Variants in HNRNPH1 observed in about 807,000 individuals in gnomAD.
The protein encoded by HNRNPH1 is heterogeneous nuclear ribonucleoprotein H1.
In HNRNPH1, 4 loss-of-function variants were observed where a neutral mutation model predicts 58.6. The observed-to-expected ratio is 0.07, with a 90% confidence interval of 0.03 to 0.16. The LOEUF (loss-of-function observed/expected upper bound fraction) is 0.16. Among genes scored for constraint, HNRNPH1 ranks in the 10% least tolerant of loss-of-function variants. The pLI is 1.00. For missense variants in HNRNPH1, 271 were observed against 564.2 expected (o/e 0.48, Z 5.26); for synonymous variants, 192 against 189.2 (o/e 1.01, Z -0.12).
At chr5:179,617,475 T>C in intron 8 of HNRNPH1, 39 bp downstream of exon 9, 1 of 1,595,342 alleles carries the variant, frequency 6.3e-7, no homozygotes, top group Non-Finnish European at 8.5e-7. Flanking sequence ...AGTCACACAA[T>C]CACCTGTTAA....
intron 2 of HNRNPH1, among the ~76,000 whole-genome samples, chr5:179,632,401 C>T (rs1180976443): frequency 1.3e-5 from 2 of 152,252 alleles, no homozygotes; most frequent in African/African-American, 4.8e-5. Context: ...GCAGCACGGT[C>T]CGCCCTTGCG....
At chr5:179,624,960 G>A (rs1274253980), upstream of HNRNPH1, among the ~76,000 whole-genome samples, 2 of 152,190 alleles carry the variant, frequency 1.3e-5, no homozygotes, top group Non-Finnish European at 2.9e-5. Context: ...GCTAAGCAGG[G>A]CCTGATCTTC....
At chr5:179,621,893 G>A (rs1772549127) in intron 1 of HNRNPH1, 1 of 455,650 alleles carries the variant, frequency 2.2e-6, no homozygotes, top group Admixed American at 2.4e-5. Flanking sequence ...TTGCACAGCT[G>A]AAGCCAAACC....
rs758687811 is a variant in HNRNPH1, at chr5:179,618,026, A to G, written c.750T>C (p.Asn250=). The G allele has an allele frequency of 9.3e-5, 150 of 1,614,062 alleles. 1 individual carries two copies. The highest frequency in any genetic ancestry group is 1.2e-4 in the Non-Finnish European group (136 of 1,179,986). ...TATCTGACCCAAATCCATAGCCATC[A>G]TTATAGCCATTGTAATCATCATAGC... The change falls in exon 6 of 13, where the codon AAT becomes AAC. Residue 250 remains asparagine, a synonymous_variant. Transcript: ENST00000356731.
intron 2 of HNRNPH1, among the ~76,000 whole-genome samples, chr5:179,630,714 A>C (rs568735496): frequency 3.3e-5 from 5 of 152,260 alleles, no homozygotes; most frequent in African/African-American, 9.6e-5. Flanking sequence ...GATTGAGATC[A>C]TCCTGGTCAA....
At chr5:179,621,209 T>C in intron 2 of HNRNPH1, 33 bp downstream of exon 3, 1 of 1,598,660 alleles carries the variant, frequency 6.3e-7, no homozygotes, top group Non-Finnish European at 8.6e-7. Flanking sequence ...TTTAATGCTT[T>C]ATTTACTGTA....
upstream of HNRNPH1, among the ~76,000 whole-genome samples, chr5:179,626,821 G>A (rs1378771859): frequency 1.3e-5 from 2 of 149,542 alleles, no homozygotes; most frequent in African/African-American, 4.9e-5. Context: ...TGTCGCCCAG[G>A]CTGGAGTACA....
exon 1 of HNRNPH1, chr5:179,623,233 G>A: frequency 2.7e-6 from 2 of 753,512 alleles, no homozygotes; most frequent in South Asian, 1.5e-5. Context: ...GGCGCGCCCG[G>A]GCCCGCACCG....
exon 1 of HNRNPH1, chr5:179,624,612 G>C (rs1186152449): frequency 2.5e-6 from 1 of 398,632 alleles, no homozygotes; most frequent in Non-Finnish European, 4.4e-6. Flanking sequence ...AGGCCCCCGG[G>C]TCACCCCATG....
exon 10 of HNRNPH1, chr5:179,616,926 T>C (rs778918921): frequency 1.2e-6 from 2 of 1,614,078 alleles, no homozygotes; most frequent in African/African-American, 1.3e-5. Flanking sequence ...GCTCCTGCTG[T>C]AGAATTCAAG....
rs1772137475 is a variant in HNRNPH1 at position 179,621,182 on chromosome 5, G to C, written c.253+60C>G. 5 of 1,538,996 alleles carry C rather than the reference G, an allele frequency of 3.2e-6. No homozygotes were observed. The South Asian group carries it at 5.6e-5, about 17-fold the overall frequency. On this transcript the variant is annotated intron_variant, in intron 2 of 12. Transcript: ENST00000356731. ...CAGTCAAATACCTAAAATTCAGAAGGGGTGAGACCTCTATTGTTTAATGCT... is the reference window on the plus strand; with the variant it reads ...CAGTCAAATACCTAAAATTCAGAAGCGGTGAGACCTCTATTGTTTAATGCT...
At chr5:179,627,257 T>A (rs1774480295), upstream of HNRNPH1, among the ~76,000 whole-genome samples, 1 of 152,128 alleles carries the variant, frequency 6.6e-6, no homozygotes, top group South Asian at 2.1e-4. Flanking sequence ...AGTGACACAA[T>A]CATAACTCAC....
Position 179,615,977 on chromosome 5 carries a change from C to T in HNRNPH1, c.1300+149G>A, listed in dbSNP as rs189407088. On this transcript the variant is annotated intron_variant, in intron 11 of 12. Transcript: ENST00000356731. ...CATACATTTCATAACCCAATTTCAC[C>T]GAAAGGAGCCTGCATCTTCCCAACT... The T allele has an allele frequency of 3.2e-4, 210 of 647,176 alleles. 1 individual carries two copies. The highest frequency in any genetic ancestry group is 8.4e-5 in the Admixed American group (3 of 35,540). The allele number at this position is 647,176 out of a possible 1,614,324, so 40.1% of individuals were successfully genotyped here.
exon 5 of HNRNPH1, chr5:179,618,181 C>T: frequency 6.2e-7 from 1 of 1,614,116 alleles, no homozygotes. Flanking sequence ...CTCTCAAAGC[C>T]AGCTCCTCTG....
At chr5:179,632,307 CA>C (rs368360110) in intron 2 of HNRNPH1, among the ~76,000 whole-genome samples, 49 of 132,886 alleles carry the variant, frequency 3.7e-4, no homozygotes, top group South Asian at 1.6e-3. Context: ...GACTCCGTCT[CA>C]AAAAAAAAAA....
chr5:179,634,252 G>A (rs1331958817), intron 1 of HNRNPH1: 3 of 124,832 alleles, frequency 2.4e-5, no homozygotes, highest in Non-Finnish European at 5.0e-5. Context: ...AAGGAGGAGT[G>A]TTGGTGTTGC....
intron 12 of HNRNPH1, 90 bp from the exon 14 acceptor site, chr5:179,615,049 T>C (rs1470899979): frequency 1.2e-6 from 1 of 824,674 alleles, no homozygotes; most frequent in Non-Finnish European, 2.0e-6. Context: ...TTAAAAAGTA[T>C]ACGAGTACAA....
At position 179,631,507 on chromosome 5, in the gene HNRNPH1, A is replaced by T. The variant is rs555152155; in HGVS notation, c.-32+2558T>A. Among the ~76,000 whole-genome samples the T allele has an allele frequency of 1.8e-4, 28 of 152,142 alleles. No homozygotes were observed. The East Asian group carries it at 5.0e-3, about 27-fold the overall frequency. The stretch of plus-strand genomic sequence containing the variant: ...ACACCTGTAATCCTAGCACTTTGGG[A>T]GGCCGAGGCAGGCAAATTACCTGAG... On this transcript the variant is annotated intron_variant, in intron 2 of 4. Transcript: ENST00000521116.
At chr5:179,627,689 G>C (rs554945571), upstream of HNRNPH1, among the ~76,000 whole-genome samples, 1 of 152,064 alleles carries the variant, frequency 6.6e-6, no homozygotes, top group African/African-American at 2.4e-5. Context: ...TTGGGAGGCT[G>C]AGGTGGGTGG....
Sources: gnomAD v4.1 joint callset for allele counts (sites outside exome capture counted in the v4.1 genomes callset) on GRCh38, gnomAD v4.1.1 for gene constraint, MANE v1.5 for transcripts, NCBI Gene and HGNC (gene_info 2026-07-23, HGNC 2026-07-21) for gene names.